Variants in ARHGAP32 observed in about 807,000 individuals in gnomAD.
ARHGAP32 encodes the protein rho GTPase-activating protein 32.
ARHGAP32 carries 51 observed loss-of-function variants against 186.5 expected under a neutral mutation model. The observed-to-expected ratio is 0.27, with a 90% CI of 0.22 to 0.35. The LOEUF (loss-of-function observed/expected upper bound fraction) is 0.35. ARHGAP32 is among the 10% of genes least tolerant of loss of function. The probability of loss-of-function intolerance (pLI) is 1.00; values close to 1 mark genes in which losing one functional copy is unlikely to be tolerated. For missense variants in ARHGAP32, 2,186 were observed against 2,623.5 expected (o/e 0.83, Z 3.64); for synonymous variants, 950 against 964.3 (o/e 0.99, Z 0.27).
chr11:129,240,066 G>T (rs1289981296), intron 1 of ARHGAP32, among the ~76,000 whole-genome samples: 1 of 151,720 alleles, frequency 6.6e-6, no homozygotes, highest in African/African-American at 2.4e-5. Flanking sequence ...TTCTGAGACG[G>T]AGTCTCACTC....
intron 10 of ARHGAP32, among the ~76,000 whole-genome samples, chr11:129,042,836 G>C (rs952101356): frequency 6.6e-6 from 1 of 152,168 alleles, no homozygotes; most frequent in African/African-American, 2.4e-5. Context: ...TTGATGCTAT[G>C]AGCTCTGGAG....
chr11:129,121,746 G>A (rs530457784), intron 5 of ARHGAP32, among the ~76,000 whole-genome samples: 17 of 152,146 alleles, frequency 1.1e-4, no homozygotes, highest in African/African-American at 3.6e-4. Context: ...GAAACATGGT[G>A]TGTAATCTAA....
At chr11:129,004,149 T>A (rs1335829380) in intron 11 of ARHGAP32, among the ~76,000 whole-genome samples, 2 of 152,010 alleles carry the variant, frequency 1.3e-5, no homozygotes, top group African/African-American at 2.4e-5. Context: ...ATTATTTAAT[T>A]TCCATGTGTT....
chr11:128,976,991 A>C (rs1195857172), intron 19 of ARHGAP32, among the ~76,000 whole-genome samples: 2 of 152,192 alleles, frequency 1.3e-5, no homozygotes, highest in Non-Finnish European at 2.9e-5. Context: ...TGGGCCCTAC[A>C]CCCAATGACT....
intron 1 of ARHGAP32, among the ~76,000 whole-genome samples, chr11:129,224,611 C>T (rs536347689): frequency 4.9e-4 from 74 of 152,032 alleles, no homozygotes; most frequent in African/African-American, 1.7e-3. Context: ...ACACATAATA[C>T]CACTGAAAGC....
intron 1 of ARHGAP32, among the ~76,000 whole-genome samples, chr11:129,237,909 C>T (rs2135657857): frequency 6.6e-6 from 1 of 152,168 alleles, no homozygotes; most frequent in African/African-American, 2.4e-5. Context: ...AAGGCTACTG[C>T]ATTGATCCAA....
chr11:129,170,655 C>T (rs1943740594), intron 1 of ARHGAP32, among the ~76,000 whole-genome samples: 1 of 152,098 alleles, frequency 6.6e-6, no homozygotes, highest in South Asian at 2.1e-4. Flanking sequence ...GTGCAAGTGC[C>T]TTTATAGTAG....
rs534512573 is a variant in ARHGAP32 at position 128,981,048 on chromosome 11, T to C, written c.1781-300A>G. Among the ~76,000 whole-genome samples, 4 of 152,322 alleles carry C rather than the reference T, an allele frequency of 2.6e-5. No homozygotes were observed. In the East Asian group the frequency reaches 7.7e-4, roughly 29 times the overall value. Reference sequence around the variant, plus strand: ...CACCAGTGGCACACATACACACATATAAAACTCTTTAATAACTGTTTTCCT... The same window carrying C: ...CACCAGTGGCACACATACACACATACAAAACTCTTTAATAACTGTTTTCCT... On this transcript the variant is annotated intron_variant, in intron 17 of 22. Transcript: ENST00000682385.
chr11:129,263,036 T>C (rs1295999087), intron 1 of ARHGAP32, among the ~76,000 whole-genome samples: 1 of 152,164 alleles, frequency 6.6e-6, no homozygotes, highest in Admixed American at 6.5e-5. Context: ...GAAACCTGGA[T>C]ATTCACACAC....
intron 6 of ARHGAP32, among the ~76,000 whole-genome samples, chr11:129,077,551 T>G (rs1364733995): frequency 6.6e-6 from 1 of 152,028 alleles, no homozygotes; most frequent in Non-Finnish European, 1.5e-5. Flanking sequence ...TAGCGACCTG[T>G]ATGATGCAGC....
At chr11:128,996,716 A>G (rs751844432) in intron 12 of ARHGAP32, among the ~76,000 whole-genome samples, 13 of 152,112 alleles carry the variant, frequency 8.5e-5, no homozygotes, top group Non-Finnish European at 2.9e-5. Flanking sequence ...AGTAAGAACT[A>G]TTTCTGAACA....
intron 1 of ARHGAP32, among the ~76,000 whole-genome samples, chr11:129,238,991 T>C (rs942330849): frequency 2.0e-5 from 3 of 151,994 alleles, no homozygotes; most frequent in Admixed American, 1.3e-4. Flanking sequence ...CATACCACCA[T>C]GCCCGTCTAA....
At chr11:128,976,523 A>G in intron 20 of ARHGAP32, 40 bp downstream of exon 20, 1 of 1,509,524 alleles carries the variant, frequency 6.6e-7, no homozygotes, top group Non-Finnish European at 9.2e-7. Flanking sequence ...CCTTTATGCA[A>G]TATATTATAG....
rs1473785611 is a variant in ARHGAP32 at position 128,982,365 on chromosome 11, A to G, written c.1527-429T>C. 3.9e-5 allele frequency among the ~76,000 whole-genome samples: 6 copies of G among 152,162 alleles called. No homozygotes were observed. In the East Asian group the frequency reaches 9.6e-4, roughly 24 times the overall value. On this transcript the variant is annotated intron_variant, in intron 15 of 22. Coordinates refer to ENST00000682385, the MANE Select transcript of ARHGAP32 (RefSeq NM_001378024.1). ...TTCTGGTTTATCTTGACTACTTAAA[A>G]TTTGCTTTACTTAAACAATTCCACA...
In ARHGAP32 at chr11:129,014,009, T is replaced by C. The variant is rs193168638; in HGVS notation, c.1046-15541A>G. Among the ~76,000 whole-genome samples the C allele has an allele frequency of 2.5e-3, 375 of 152,312 alleles. 2 individuals are homozygous for C. Among genetic ancestry groups the C allele is most frequent in the African/African-American group, 8.3e-3 (343 of 41,570 alleles). On this transcript the variant is annotated intron_variant, in intron 11 of 22. Transcript: ENST00000682385. ...TCCTGGATTAGAGACACTAAAATGA[T>C]ACCAATGGTATTTCCACAGATAAAA...
intron 5 of ARHGAP32, among the ~76,000 whole-genome samples, chr11:129,103,557 AC>A (rs1323592919): frequency 6.6e-6 from 1 of 152,060 alleles, no homozygotes; most frequent in East Asian, 1.9e-4. Context: ...AACTCAGTGC[AC>A]CCCAAACTAA....
chr11:129,104,294 T>C (rs1216722013), intron 5 of ARHGAP32, among the ~76,000 whole-genome samples: 1 of 152,090 alleles, frequency 6.6e-6, no homozygotes, highest in African/African-American at 2.4e-5. Context: ...TTTAGCTATA[T>C]AAGAATAGTA....
chr11:129,261,037 T>C (rs1198566338), intron 1 of ARHGAP32, among the ~76,000 whole-genome samples: 1 of 151,742 alleles, frequency 6.6e-6, no homozygotes, highest in East Asian at 1.9e-4. Flanking sequence ...TAAAATATCC[T>C]GAGCCACCAC....
At position 129,011,776 on chromosome 11, in the gene ARHGAP32, A is replaced by G. The variant is rs1477258215; in HGVS notation, c.1046-13308T>C. 2.6e-5 allele frequency among the ~76,000 whole-genome samples: 4 copies of G among 152,128 alleles called. No homozygotes were observed. The East Asian group carries it at 7.7e-4, about 29-fold the overall frequency. ...TTGGTTGGCTTTTTTTTTATTTTTA[A>G]GGAGGATCTCTACCTACTGATAGGG... On this transcript the variant is annotated intron_variant, in intron 11 of 22. Transcript: ENST00000682385.
Sources: gnomAD v4.1 joint callset for allele counts (sites outside exome capture counted in the v4.1 genomes callset) on GRCh38, gnomAD v4.1.1 for gene constraint, MANE v1.5 for transcripts, NCBI Gene and HGNC (gene_info 2026-07-23, HGNC 2026-07-21) for gene names.